TADA2B: variants seen among roughly 807,000 people sequenced by gnomAD.
TADA2B encodes the protein transcriptional adaptor 2B.
In TADA2B, 13 loss-of-function variants were observed where a neutral mutation model predicts 34.5. That is an observed-to-expected ratio of 0.38 (90% CI 0.25 to 0.60). TADA2B has a LOEUF of 0.60. Ranked by LOEUF, TADA2B falls within the 20% of genes least tolerant of loss-of-function variation. The pLI is 0.65. For synonymous variants in TADA2B, 240 were observed against 243.4 expected, an observed-to-expected ratio of 0.99 and a Z score of 0.13; for missense variants, 442 against 575.0, an observed-to-expected ratio of 0.77 and a Z score of 2.37.
chr4:7,057,930 T>C lies in TADA2B; in HGVS notation c.*2876T>C, dbSNP rs1473666645. ...CTACCGTTTTGATGACCTTTTTCCA[T>C]ATTAAACAAGTTGAGAACAAAAGAG... On this transcript the variant is annotated 3_prime_UTR_variant, in exon 2 of 2. Coordinates refer to ENST00000310074, the MANE Select transcript of TADA2B (RefSeq NM_152293.3). 6.6e-6 allele frequency: 1 copy of C among 152,160 alleles called. No individual in the cohort carries two copies. Among genetic ancestry groups the C allele is most frequent in the Non-Finnish European group, 1.5e-5 (1 of 68,036 alleles). 9.4% of individuals were successfully genotyped at this position (152,160 alleles called of 1,614,324 possible).
At chr4:7,047,553 C>T (rs1346946525) in intron 1 of TADA2B, among the ~76,000 whole-genome samples, 1 of 152,232 alleles carries the variant, frequency 6.6e-6, no homozygotes, top group Non-Finnish European at 1.5e-5. Context: ...TTCTCTCGCT[C>T]ATTCATTCAG....
intron 1 of TADA2B, among the ~76,000 whole-genome samples, chr4:7,045,371 G>A (rs1359731692): frequency 6.6e-6 from 1 of 152,174 alleles, no homozygotes; most frequent in African/African-American, 2.4e-5. Flanking sequence ...CACTTTGGGA[G>A]CCTCCTTGTT....
Position 7,056,507 on chromosome 4 carries a change from G to A in TADA2B, c.*1453G>A, listed in dbSNP as rs1327669782. On this transcript the variant is annotated 3_prime_UTR_variant, in exon 2 of 2. Transcript: ENST00000310074. ...GGGCTTGAAGTTACATTAAAGTGAA[G>A]TTATTTGAAAGAAAGAAAACCTCAT... 1 of 152,386 alleles carries A rather than the reference G, an allele frequency of 6.6e-6. No homozygotes were observed. The highest frequency in any genetic ancestry group is 1.5e-5 in the Non-Finnish European group (1 of 68,014). The allele number at this position is 152,386 out of a possible 1,614,324, so 9.4% of individuals were successfully genotyped here.
rs146189902 is a variant in TADA2B at position 7,045,428 on chromosome 4, G to A, written c.270+1579G>A. 1.1e-3 allele frequency among the ~76,000 whole-genome samples: 165 copies of A among 152,276 alleles called. 6 individuals are homozygous for A. In the East Asian group the frequency reaches 0.022, roughly 21 times the overall value. ...TTCCCCTATTCCACACACCATAACC[G>A]GAGCGAGCTTTGGAAGCACAAAGCG... On this transcript the variant is annotated intron_variant, in intron 1 of 1. Coordinates refer to ENST00000310074, the MANE Select transcript of TADA2B (RefSeq NM_152293.3).
chr4:7,048,278 G>A (rs1723682408), intron 1 of TADA2B, among the ~76,000 whole-genome samples: 1 of 152,140 alleles, frequency 6.6e-6, no homozygotes, highest in Non-Finnish European at 1.5e-5. Context: ...CATTAAGGAT[G>A]GCGGGAGGGG....
At chr4:7,050,172 C>CCG (rs1204350893) in intron 1 of TADA2B, among the ~76,000 whole-genome samples, 1 of 152,274 alleles carries the variant, frequency 6.6e-6, no homozygotes, top group Non-Finnish European at 1.5e-5. Flanking sequence ...TGGAGCCCTC[C>CCG]CGCGCTGCCA....
intron 1 of TADA2B, chr4:7,046,163 C>T (rs1482696066): frequency 6.6e-6 from 1 of 152,116 alleles, no homozygotes; most frequent in Non-Finnish European, 1.5e-5. Context: ...TGACCACCCA[C>T]CCCCCCGGAG....
rs1279021986 is a variant in TADA2B at position 7,054,377 on chromosome 4, G to A, written c.586G>A (p.Asp196Asn). The A allele has an allele frequency of 3.1e-6, 5 of 1,613,628 alleles. No homozygotes were observed. The highest frequency in any genetic ancestry group is 4.2e-6 in the Non-Finnish European group (5 of 1,179,906). Residue 196 changes from aspartate to asparagine, a missense_variant, in exon 2 of 2, where the codon GAC becomes AAC. Physicochemically the swap from Asp to Asn is conservative, Grantham distance 23. Around this residue, in one of 4 missense-constraint regions of TADA2B, gnomAD observed 222 missense variants for 235.2 expected, o/e 0.94. Transcript: ENST00000310074. ...SGLSVNYDDDDVEIELKRAHV... is the reference protein window; with the variant it reads ...SGLSVNYDDDNVEIELKRAHV... The stretch of plus-strand genomic sequence containing the variant: ...GCTCTCTGTCAACTATGATGACGAC[G>A]ACGTGGAGATCGAGCTGAAGCGCGC...
At chr4:7,044,155 T>A (rs914584042) in intron 1 of TADA2B, among the ~76,000 whole-genome samples, 4 of 152,102 alleles carry the variant, frequency 2.6e-5, no homozygotes, top group Non-Finnish European at 5.9e-5. Flanking sequence ...GTTTGCGGAG[T>A]GCAGACGTTG....
intron 1 of TADA2B, among the ~76,000 whole-genome samples, chr4:7,049,408 G>T (rs1723714020): frequency 6.6e-6 from 1 of 152,378 alleles, no homozygotes; most frequent in African/African-American, 2.4e-5. Flanking sequence ...GTTTTCCACA[G>T]TGAGGAATGC....
In TADA2B at chr4:7,055,117, G is replaced by T; in HGVS notation, c.*63G>T. On this transcript the variant is annotated 3_prime_UTR_variant, in exon 2 of 2. Coordinates refer to ENST00000310074, the MANE Select transcript of TADA2B (RefSeq NM_152293.3). Reference sequence around the variant, plus strand: ...AGTGTGCCAGCCAAAATGACTTGGGGGAGGGGAGCCGCTTCCCCACTGTTG... The same window carrying T: ...AGTGTGCCAGCCAAAATGACTTGGGTGAGGGGAGCCGCTTCCCCACTGTTG... 4 of 1,494,258 alleles carry T rather than the reference G, an allele frequency of 2.7e-6. No homozygotes were observed. Among genetic ancestry groups the T allele is most frequent in the Non-Finnish European group, 3.6e-6 (4 of 1,118,620 alleles). The allele number at this position is 1,494,258 out of a possible 1,614,324, so 92.6% of individuals were successfully genotyped here. A position where few individuals can be genotyped will look rare whatever the true frequency, so the allele number is the denominator to read the frequency against.
At position 7,055,065 on chromosome 4, in the gene TADA2B, C is replaced by T. The variant is rs771218473; in HGVS notation, c.*11C>T. On this transcript the variant is annotated 3_prime_UTR_variant, in exon 2 of 2. Transcript: ENST00000310074. Reference sequence around the variant, plus strand: ...AGGGACGCGTCTTGAAGCTGAGACGCTTTGAAAGCCAGGGTGATGCTCAGA... The same window carrying T: ...AGGGACGCGTCTTGAAGCTGAGACGTTTTGAAAGCCAGGGTGATGCTCAGA... The T allele has an allele frequency of 6.3e-7, 1 of 1,596,794 alleles. No homozygotes were observed.
intron 1 of TADA2B, among the ~76,000 whole-genome samples, chr4:7,045,459 C>T (rs1406839623): frequency 1.3e-5 from 2 of 152,234 alleles, no homozygotes; most frequent in Non-Finnish European, 1.5e-5. Flanking sequence ...AAGCGCCTCA[C>T]ACCGGCCTCA....
chr4:7,043,757 A>G lies in TADA2B; in HGVS notation c.178A>G (p.Thr60Ala), dbSNP rs1723546191. The G allele has an allele frequency of 6.3e-7, 1 of 1,581,776 alleles. No individual in the cohort carries two copies. Among genetic ancestry groups the G allele is most frequent in the Non-Finnish European group, 8.5e-7 (1 of 1,169,754 alleles). ...GYQLVDGGRF[T>A]LWGPEAEGGW... ...CCAGCTGGTGGACGGCGGGCGCTTC[A>G]CGCTCTGGGGGCCCGAGGCCGAGGG... Residue 60 changes from threonine to alanine, a missense_variant, in exon 1 of 2, where the codon ACG (threonine) becomes GCG (alanine). Coordinates refer to ENST00000310074, the MANE Select transcript of TADA2B (RefSeq NM_152293.3).
rs895337815 is a variant in TADA2B at position 7,054,952 on chromosome 4, C to T, written c.1161C>T (p.Ile387=). The change falls in exon 2 of 2, where the codon ATC becomes ATT. Residue 387 remains isoleucine (I), a synonymous_variant. Coordinates refer to ENST00000310074, the MANE Select transcript of TADA2B (RefSeq NM_152293.3). ...IKDHLQKRQG[I]PSKSRLPSYL... is the part of the protein sequence containing the mutation. ...ACCACCTCCAGAAGCGGCAAGGAAT[C>T]CCCTCCAAAAGCCGCCTTCCTAGCT... is the stretch of plus-strand genomic sequence containing the variant. The T allele has an allele frequency of 6.2e-7, 1 of 1,613,904 alleles. No individual in the cohort carries two copies. Among genetic ancestry groups the T allele is most frequent in the Non-Finnish European group, 8.5e-7 (1 of 1,179,890 alleles).
chr4:7,052,128 C>G (rs1723785898), intron 1 of TADA2B, among the ~76,000 whole-genome samples: 1 of 152,248 alleles, frequency 6.6e-6, no homozygotes, highest in Non-Finnish European at 1.5e-5. Context: ...AAACTGGCCT[C>G]TTGAGTCGGC....
chr4:7,043,913 A>G, intron 1 of TADA2B, 64 bp downstream of exon 1: 2 of 1,419,394 alleles, frequency 1.4e-6, no homozygotes, highest in South Asian at 1.5e-5. Flanking sequence ...CTCTCCTGTA[A>G]TCGGGCGCGC....
At chr4:7,047,614 G>T (rs374842621) in intron 1 of TADA2B, among the ~76,000 whole-genome samples, 149 of 152,366 alleles carry the variant, frequency 9.8e-4, no homozygotes, top group African/African-American at 3.2e-3. Flanking sequence ...GTGAGAACAG[G>T]CTAGGAGGAA....
chr4:7,051,099 A>G (rs917481484), intron 1 of TADA2B, among the ~76,000 whole-genome samples: 6 of 152,008 alleles, frequency 3.9e-5, no homozygotes, highest in African/African-American at 1.4e-4. Flanking sequence ...TATTGGTAAA[A>G]CCTGCAAAAG....
Sources: gnomAD v4.1 joint callset for allele counts (sites outside exome capture counted in the v4.1 genomes callset) on GRCh38, gnomAD v4.1.1 for gene constraint, gnomAD v4.1.1 regional missense constraint, MANE v1.5 for transcripts, NCBI Gene and HGNC (gene_info 2026-07-23, HGNC 2026-07-21) for gene names.